NEB: variants seen among roughly 807,000 people sequenced by gnomAD.
NEB encodes nebulin.
In NEB, 512 loss-of-function variants were observed where a neutral mutation model predicts 952.2. The observed-to-expected ratio is 0.54, with a 90% confidence interval of 0.50 to 0.58. The LOEUF is 0.58. Among genes scored for constraint, NEB ranks in the 20% least tolerant of loss-of-function variants. NEB has a pLI of 0.00. For missense variants in NEB, 8,428 were observed against 9,231.1 expected, an observed-to-expected ratio of 0.91 and a Z score of 3.56; for synonymous variants, 2,900 against 3,149.8, an observed-to-expected ratio of 0.92 and a Z score of 2.66.
At chr2:151,548,128 C>T (rs953724449) in intron 131 of NEB, among the ~76,000 whole-genome samples, 180 bp downstream of exon 131, 4 of 152,062 alleles carry the variant, frequency 2.6e-5, no homozygotes, top group African/African-American at 9.7e-5. Flanking sequence ...CAAGGCATTA[C>T]CAAATACAAA....
chr2:151,721,370 C>T (rs1465374251), intron 9 of NEB, among the ~76,000 whole-genome samples: 2 of 152,116 alleles, frequency 1.3e-5, no homozygotes, highest in Admixed American at 1.3e-4. Flanking sequence ...CTCACAAGTG[C>T]CCTCCAAATG....
intron 121 of NEB, among the ~76,000 whole-genome samples, chr2:151,561,554 C>A (rs2096055168): frequency 6.6e-6 from 1 of 151,340 alleles, no homozygotes; most frequent in South Asian, 2.1e-4. Context: ...ATTCTCCATC[C>A]CTGACAGCAG....
chr2:151,503,318 A>ATAGTT lies in NEB; in HGVS notation c.23835+26_23835+30dup, dbSNP rs754379331. 8 of 1,488,592 alleles carry ATAGTT rather than the reference A, an allele frequency of 5.4e-6. No individual in the cohort carries two copies. The East Asian group carries it at 1.6e-4, about 30-fold the overall frequency. 92.2% of individuals were successfully genotyped at this position (1,488,592 alleles called of 1,614,324 possible). The stretch of plus-strand genomic sequence containing the variant: ...TATTGTGGTAAATTTTTTATGGGAA[A>ATAGTT]TAGTTTCTTATATGATATATTTGTA... On this transcript the variant is annotated intron_variant, in intron 166 of 181. Coordinates refer to ENST00000397345, the MANE Select transcript of NEB (RefSeq NM_001164508.2).
chr2:151,643,475 C>T (rs2098914235), intron 57 of NEB, 122 bp from the exon 58 acceptor site: 6 of 859,586 alleles, frequency 7.0e-6, no homozygotes, highest in African/African-American at 1.7e-5. Flanking sequence ...ATTTTTAATA[C>T]TTGAATTATT....
intron 20 of NEB, among the ~76,000 whole-genome samples, chr2:151,693,294 A>G (rs1180760536): frequency 6.6e-6 from 1 of 152,018 alleles, no homozygotes; most frequent in African/African-American, 2.4e-5. Flanking sequence ...TCAGGTGTAC[A>G]TGTGCAGGAT....
At position 151,525,038 on chromosome 2, in the gene NEB, G is replaced by A. The variant is rs572982909; in HGVS notation, c.22272+125C>T. On this transcript the variant is annotated intron_variant, in intron 151 of 181. Transcript: ENST00000397345. ...TTTCCTTAAACCCAAACCAATTCTC[G>A]CCACTAACTTTTTGAAACTACCACA... The A allele has an allele frequency of 2.0e-4, 153 of 750,100 alleles. 2 individuals are homozygous for A. The highest frequency in any genetic ancestry group is 1.8e-3 in the African/African-American group (103 of 56,034). The allele number at this position is 750,100 out of a possible 1,614,324, so 46.5% of individuals were successfully genotyped here.
At position 151,485,680 on chromosome 2, in the gene NEB, GGTAACA is replaced by G; in HGVS notation, c.*74_*79del. The G allele has an allele frequency of 6.7e-6, 9 of 1,349,448 alleles. No individual in the cohort carries two copies. In the South Asian group the frequency reaches 1.4e-4, roughly 21 times the overall value. 83.6% of individuals were successfully genotyped at this position (1,349,448 alleles called of 1,614,324 possible). On this transcript the variant is annotated 3_prime_UTR_variant, in exon 182 of 182. Coordinates refer to ENST00000397345, the MANE Select transcript of NEB (RefSeq NM_001164508.2). ...AAACCATAGGCAGCTTGAGAACTTA[GGTAACA>G]GTGGAGAGTCTAAACCGAAACATTG...
At chr2:151,670,793 C>T (rs1007857444) in intron 38 of NEB, among the ~76,000 whole-genome samples, 5 of 152,202 alleles carry the variant, frequency 3.3e-5, no homozygotes, top group South Asian at 4.1e-4. Context: ...AGGCTCTCTA[C>T]ATTTGGAAAA....
chr2:151,615,899 G>T, intron 76 of NEB, 103 bp downstream of exon 76: 1 of 843,360 alleles, frequency 1.2e-6, no homozygotes, highest in Non-Finnish European at 1.9e-6. Context: ...AAAGGGAATT[G>T]AGACTTATAG....
At chr2:151,698,172 C>T (rs1294616552) in intron 13 of NEB, among the ~76,000 whole-genome samples, 1 of 152,154 alleles carries the variant, frequency 6.6e-6, no homozygotes, top group African/African-American at 2.4e-5. Context: ...TATTATAAGG[C>T]CTAAGTTTCA....
chr2:151,517,955 C>T (rs1311564393), intron 156 of NEB, among the ~76,000 whole-genome samples: 1 of 152,048 alleles, frequency 6.6e-6, no homozygotes, highest in Non-Finnish European at 1.5e-5. Flanking sequence ...TAGACCTGAT[C>T]GTATCACTTC....
intron 52 of NEB, 149 bp downstream of exon 52, chr2:151,653,843 G>C: frequency 3.9e-6 from 2 of 517,460 alleles, no homozygotes; most frequent in Non-Finnish European, 6.9e-6. Context: ...AAAGAGAAGA[G>C]TGAACTCCGG....
chr2:151,516,817 C>T (rs2077969649), intron 156 of NEB, among the ~76,000 whole-genome samples: 1 of 152,120 alleles, frequency 6.6e-6, no homozygotes, highest in South Asian at 2.1e-4. Flanking sequence ...GAATCATTGA[C>T]AAGAGCCAGC....
At chr2:151,554,127 G>C in intron 125 of NEB, 102 bp from the exon 126 acceptor site, 1 of 1,036,488 alleles carries the variant, frequency 9.6e-7, no homozygotes, top group Non-Finnish European at 1.5e-6. Context: ...GAACAGTTGG[G>C]GGCAGGGCAG....
At chr2:151,487,770 T>C (rs1034155632) in intron 181 of NEB, among the ~76,000 whole-genome samples, 6 of 152,238 alleles carry the variant, frequency 3.9e-5, no homozygotes, top group South Asian at 2.1e-4. Context: ...TACACACATA[T>C]ATATATATGT....
chr2:151,496,172 A>G, intron 173 of NEB, 104 bp downstream of exon 173: 6 of 1,300,024 alleles, frequency 4.6e-6, no homozygotes, highest in Non-Finnish European at 6.4e-6. Flanking sequence ...AAATTTCACA[A>G]AATTTAAGTT....
At chr2:151,565,348 G>A (rs2096308352) in intron 116 of NEB, among the ~76,000 whole-genome samples, 153 bp downstream of exon 116, 3 of 152,268 alleles carry the variant, frequency 2.0e-5, no homozygotes, top group Admixed American at 1.3e-4. Flanking sequence ...CCACCTGCTA[G>A]TGACTTTTAA....
At chr2:151,665,248 G>A in intron 42 of NEB, 85 bp downstream of exon 42, 1 of 1,269,096 alleles carries the variant, frequency 7.9e-7, no homozygotes, top group Non-Finnish European at 1.1e-6. Context: ...AAGAAACACT[G>A]TAGGAGACGA....
intron 20 of NEB, among the ~76,000 whole-genome samples, chr2:151,693,043 T>G (rs933647199): frequency 7.9e-5 from 12 of 152,150 alleles, no homozygotes; most frequent in African/African-American, 2.9e-4. Flanking sequence ...AGGTGAACCT[T>G]AGATAATTAA....
Sources: gnomAD v4.1 joint callset for allele counts (sites outside exome capture counted in the v4.1 genomes callset) on GRCh38, gnomAD v4.1.1 for gene constraint, MANE v1.5 for transcripts, NCBI Gene and HGNC (gene_info 2026-07-23, HGNC 2026-07-21) for gene names.